C10orf67: variants seen among roughly 807,000 people sequenced by gnomAD.
C10orf67 encodes the protein uncharacterized protein C10orf67, mitochondrial.
A neutral mutation model predicts 35.6 loss-of-function variants in C10orf67; 60 were observed. The ratio of observed to expected loss-of-function variants is 1.68; its 90% CI spans 1.37 to 2.09. The LOEUF (loss-of-function observed/expected upper bound fraction) is 2.09, where lower values mean the gene tolerates loss of function less well. C10orf67 is among the 30% of genes most tolerant of loss of function. The pLI, the probability that C10orf67 is intolerant of heterozygous loss-of-function variation, is 0.00. For synonymous variants in C10orf67, 167 were observed against 115.8 expected, an observed-to-expected ratio of 1.44 and a Z score of -2.84; for missense variants, 474 against 330.2, an observed-to-expected ratio of 1.44 and a Z score of -3.38.
In C10orf67 at chr10:23,203,455, G is replaced by C. The variant is rs1841073842; in HGVS notation, c.*718C>G. 6.6e-6 allele frequency: 1 copy of C among 152,176 alleles called. No individual in the cohort carries two copies. The highest frequency in any genetic ancestry group is 1.5e-5 in the Non-Finnish European group (1 of 68,044). The allele number at this position is 152,176 out of a possible 1,614,324, so 9.4% of individuals were successfully genotyped here. Reference sequence around the variant, plus strand: ...TCTGTAATCCAGAGCCTACGATTCAGATACAGGCTCTTAACAAGGCCTTAC... The same window carrying C: ...TCTGTAATCCAGAGCCTACGATTCACATACAGGCTCTTAACAAGGCCTTAC... On this transcript the variant is annotated 3_prime_UTR_variant, in exon 16 of 16. Transcript: ENST00000636213.
intron 10 of C10orf67, among the ~76,000 whole-genome samples, chr10:23,253,857 G>A (rs556967810): frequency 2.7e-4 from 41 of 152,020 alleles, no homozygotes; most frequent in Non-Finnish European, 2.9e-4. Context: ...TGAAGATAAC[G>A]TCTCTTTTCA....
intron 12 of C10orf67, among the ~76,000 whole-genome samples, chr10:23,240,407 A>T (rs1440684668): frequency 2.0e-5 from 3 of 152,346 alleles, no homozygotes; most frequent in Middle Eastern, 3.4e-3. Context: ...GGGACATCTT[A>T]TTCTACCAGA....
intron 4 of C10orf67, among the ~76,000 whole-genome samples, chr10:23,305,637 G>A (rs1386392382): frequency 6.6e-6 from 1 of 152,170 alleles, no homozygotes; most frequent in African/African-American, 2.4e-5. Context: ...TGATAAGAAT[G>A]AGCTATTAGA....
chr10:23,258,499 A>G (rs764819504), intron 10 of C10orf67: 22 of 167,342 alleles, frequency 1.3e-4, no homozygotes, highest in Middle Eastern at 6.5e-3. Context: ...AATGCATCCA[A>G]AAGCTACCAG....
At chr10:23,292,180 C>CTTTTT (rs1843741300) in intron 5 of C10orf67, among the ~76,000 whole-genome samples, 1 of 36,482 alleles carries the variant, frequency 2.7e-5, no homozygotes, top group African/African-American at 1.6e-4. Context: ...TTTTTTTTTG[C>CTTTTT]CTTCTTCTTC....
intron 15 of C10orf67, among the ~76,000 whole-genome samples, chr10:23,205,217 A>G (rs527698685): frequency 6.6e-6 from 1 of 152,338 alleles, no homozygotes; most frequent in Non-Finnish European, 1.5e-5. Context: ...GAAAGCCCCA[A>G]GGGCCTTTTC....
chr10:23,332,925 C>T, intron 2 of C10orf67, 137 bp downstream of exon 2: 1 of 786,446 alleles, frequency 1.3e-6, no homozygotes, highest in Non-Finnish European at 2.0e-6. Flanking sequence ...TGTTAAAGCA[C>T]AGCTATCATT....
intron 1 of C10orf67, among the ~76,000 whole-genome samples, chr10:23,337,670 A>C (rs984688182): frequency 6.6e-6 from 1 of 152,188 alleles, no homozygotes; most frequent in Non-Finnish European, 1.5e-5. Flanking sequence ...TAAAATAGAG[A>C]ACTTTGGTAG....
intron 2 of C10orf67, among the ~76,000 whole-genome samples, chr10:23,326,590 A>T (rs1228302100): frequency 6.6e-6 from 1 of 152,186 alleles, no homozygotes; most frequent in Non-Finnish European, 1.5e-5. Flanking sequence ...CTAGGTACAT[A>T]TAAAATACTA....
At position 23,223,772 on chromosome 10, in the gene C10orf67, A is replaced by T. The variant is rs1841655764; in HGVS notation, c.1481T>A (p.Ile494Lys). The change falls in exon 14 of 16, where the codon ATA (isoleucine) becomes AAA (lysine). Residue 494 changes from isoleucine to lysine, a missense_variant. Ile to Lys is a moderately radical substitution (Grantham distance 102, BLOSUM62 -3). Coordinates refer to ENST00000636213, the MANE Select transcript of C10orf67 (RefSeq NM_001371909.1). ...LVQSRTTMTA[I>K]SSSSHCTSSI... ...AGATGTACAATGACTTGAAGAGGATATAGCTGTCATGGTCGTTCTAGACTG... is the reference window on the plus strand; with the variant it reads ...AGATGTACAATGACTTGAAGAGGATTTAGCTGTCATGGTCGTTCTAGACTG... 1.4e-6 allele frequency: 1 copy of T among 715,594 alleles called. No individual in the cohort carries two copies. Among genetic ancestry groups the T allele is most frequent in the African/African-American group, 1.7e-5 (1 of 57,300 alleles). 44.3% of individuals were successfully genotyped at this position (715,594 alleles called of 1,614,324 possible). A position where few individuals can be genotyped will look rare whatever the true frequency, so the allele number is the denominator to read the frequency against.
At chr10:23,334,882 T>A (rs1255776301) in intron 1 of C10orf67, among the ~76,000 whole-genome samples, 1 of 152,122 alleles carries the variant, frequency 6.6e-6, no homozygotes, top group Non-Finnish European at 1.5e-5. Flanking sequence ...GCATAGATGA[T>A]GAGCTTTCAA....
intron 5 of C10orf67, among the ~76,000 whole-genome samples, chr10:23,298,150 G>A (rs1843954361): frequency 6.6e-6 from 1 of 152,194 alleles, no homozygotes; most frequent in Non-Finnish European, 1.5e-5. Context: ...AGCTACTCGG[G>A]AGGCTGAGGC....
At chr10:23,296,954 C>T (rs1843898747) in intron 5 of C10orf67, among the ~76,000 whole-genome samples, 1 of 152,148 alleles carries the variant, frequency 6.6e-6, no homozygotes, top group African/African-American at 2.4e-5. Context: ...GCTATTAATG[C>T]CTAAGTGAAA....
At chr10:23,221,506 C>A (rs1334764864) in intron 15 of C10orf67, among the ~76,000 whole-genome samples, 1 of 152,140 alleles carries the variant, frequency 6.6e-6, no homozygotes. Context: ...GGGTACTCAA[C>A]CTTGTAAAGT....
chr10:23,234,228 G>A (rs1363647620), intron 13 of C10orf67, among the ~76,000 whole-genome samples: 1 of 152,184 alleles, frequency 6.6e-6, no homozygotes. Flanking sequence ...GCACACATAT[G>A]TTAATTGCAG....
Position 23,303,291 on chromosome 10 carries a change from C to T in C10orf67, c.702+13G>A. The T allele has an allele frequency of 1.9e-6, 1 of 525,846 alleles. No homozygotes were observed. Among genetic ancestry groups the T allele is most frequent in the Admixed American group, 3.9e-5 (1 of 25,680 alleles). 32.6% of individuals were successfully genotyped at this position (525,846 alleles called of 1,614,324 possible). On this transcript the variant is annotated intron_variant, in intron 5 of 15. Coordinates refer to ENST00000636213, the MANE Select transcript of C10orf67 (RefSeq NM_001371909.1). ...GTATATTAAAATTAATTATTCCTTG[C>T]CTTGAAACTTACCATTTTGTGAAAT...
At chr10:23,252,259 C>T (rs955363781) in intron 10 of C10orf67, among the ~76,000 whole-genome samples, 3 of 152,026 alleles carry the variant, frequency 2.0e-5, no homozygotes, top group Non-Finnish European at 4.4e-5. Context: ...CTGCCTATTG[C>T]CTTTTTTTCA....
intron 13 of C10orf67, among the ~76,000 whole-genome samples, chr10:23,229,874 C>T (rs1182829779): frequency 6.6e-6 from 1 of 152,054 alleles, no homozygotes; most frequent in Non-Finnish European, 1.5e-5. Context: ...TTAGAAGACT[C>T]AGTGATCAAG....
Position 23,259,243 on chromosome 10 carries a change from G to A in C10orf67, c.1200+7019C>T, listed in dbSNP as rs376584166. Among the ~76,000 whole-genome samples the A allele has an allele frequency of 2.0e-4, 31 of 152,258 alleles. No individual in the cohort carries two copies. The South Asian group carries it at 4.8e-3, about 23-fold the overall frequency. On this transcript the variant is annotated intron_variant, in intron 10 of 15. Transcript: ENST00000636213. ...TACAATTTGGGTCATTCTGTCCTTC[G>A]TATATCAAGCTATTCTGTATATCAT...
Sources: gnomAD v4.1 joint callset for allele counts (sites outside exome capture counted in the v4.1 genomes callset) on GRCh38, gnomAD v4.1.1 for gene constraint, MANE v1.5 for transcripts, NCBI Gene and HGNC (gene_info 2026-07-23, HGNC 2026-07-21) for gene names.